The following ANKRD28 variants were observed in gnomAD, a reference collection of about 807,000 sequenced individuals.
The protein encoded by ANKRD28 is serine/threonine-protein phosphatase 6 regulatory ankyrin repeat subunit A.
ANKRD28 carries 44 observed loss-of-function variants against 126.5 expected under a neutral mutation model. The ratio of observed to expected loss-of-function variants is 0.35; its 90% confidence interval spans 0.27 to 0.45. The LOEUF (loss-of-function observed/expected upper bound fraction) is 0.45, where lower values mean the gene tolerates loss of function less well. Among genes scored for constraint, ANKRD28 ranks in the 20% least tolerant of loss-of-function variants. The pLI is 1.00. For missense variants in ANKRD28, 1,110 were observed against 1,316.6 expected (o/e 0.84, Z 2.43); for synonymous variants, 442 against 468.5 (o/e 0.94, Z 0.73).
intron 4 of ANKRD28, among the ~76,000 whole-genome samples, chr3:15,742,413 C>T (rs2057118313): frequency 6.7e-6 from 1 of 149,212 alleles, no homozygotes; most frequent in African/African-American, 2.5e-5. Flanking sequence ...GTGAGAAGCG[C>T]CTCTACCTGG....
intron 6 of ANKRD28, among the ~76,000 whole-genome samples, chr3:15,731,602 T>C (rs1239017834): frequency 6.6e-6 from 1 of 152,082 alleles, no homozygotes. Flanking sequence ...TAAACCACCA[T>C]ACACCAAGCT....
chr3:15,789,069 AC>A (rs2059909289), intron 2 of ANKRD28, among the ~76,000 whole-genome samples: 1 of 151,804 alleles, frequency 6.6e-6, no homozygotes, highest in South Asian at 2.1e-4. Flanking sequence ...ATTGCATTTC[AC>A]CCTTTTATGG....
At chr3:15,696,525 GTCTC>G (rs1006374150) in intron 14 of ANKRD28, among the ~76,000 whole-genome samples, 18 of 151,918 alleles carry the variant, frequency 1.2e-4, no homozygotes, top group Non-Finnish European at 1.6e-4. Flanking sequence ...CTTTTACACA[GTCTC>G]TATCTATACC....
intron 2 of ANKRD28, among the ~76,000 whole-genome samples, chr3:15,777,271 C>CAAAAAAA (rs148444429): frequency 2.7e-5 from 3 of 111,616 alleles, no homozygotes; most frequent in Non-Finnish European, 3.7e-5. Context: ...GACTCCGTCT[C>CAAAAAAA]AAAAAAAAAA....
At chr3:15,746,191 G>A (rs1575508234) in intron 4 of ANKRD28, among the ~76,000 whole-genome samples, 2 of 152,242 alleles carry the variant, frequency 1.3e-5, no homozygotes, top group Admixed American at 1.3e-4. Flanking sequence ...TGATTTGGAT[G>A]CCCTTTATTT....
chr3:15,770,311 T>C (rs2058935461), intron 2 of ANKRD28, among the ~76,000 whole-genome samples: 2 of 151,856 alleles, frequency 1.3e-5, no homozygotes, highest in African/African-American at 4.8e-5. Flanking sequence ...TGAAATATCA[T>C]TAGCATTTAT....
At chr3:15,824,342 G>T (rs1195459030) in intron 1 of ANKRD28, among the ~76,000 whole-genome samples, 2 of 152,146 alleles carry the variant, frequency 1.3e-5, no homozygotes, top group African/African-American at 4.8e-5. Context: ...TTTTGATAGT[G>T]ACGGCATTTC....
At chr3:15,779,826 T>C (rs1420252452) in intron 2 of ANKRD28, among the ~76,000 whole-genome samples, 1 of 152,226 alleles carries the variant, frequency 6.6e-6, no homozygotes, top group Non-Finnish European at 1.5e-5. Context: ...CTATTCTAAG[T>C]ACTGAATTTA....
At chr3:15,858,200 T>C (rs943668326) in intron 1 of ANKRD28, among the ~76,000 whole-genome samples, 5 of 152,264 alleles carry the variant, frequency 3.3e-5, no homozygotes, top group African/African-American at 4.8e-5. Context: ...AATTGCTACA[T>C]GTGGCTAGTG....
At chr3:15,768,081 C>A (rs1029716124) in intron 2 of ANKRD28, among the ~76,000 whole-genome samples, 1 of 152,036 alleles carries the variant, frequency 6.6e-6, no homozygotes, top group Non-Finnish European at 1.5e-5. Flanking sequence ...AAAAGAGCTG[C>A]CTTACTAGCT....
intron 6 of ANKRD28, among the ~76,000 whole-genome samples, chr3:15,733,628 A>G (rs1329964029): frequency 2.0e-5 from 3 of 152,168 alleles, no homozygotes; most frequent in Non-Finnish European, 4.4e-5. Flanking sequence ...TTTCTGATAC[A>G]AAGGAGAGAG....
At chr3:15,722,385 T>G (rs1575389686) in intron 7 of ANKRD28, among the ~76,000 whole-genome samples, 2 of 152,350 alleles carry the variant, frequency 1.3e-5, no homozygotes, top group South Asian at 4.1e-4. Context: ...TAATGTGTCC[T>G]GACTCCGTGA....
intron 2 of ANKRD28, among the ~76,000 whole-genome samples, chr3:15,768,334 T>C (rs2058842562): frequency 6.6e-6 from 1 of 152,184 alleles, no homozygotes; most frequent in South Asian, 2.1e-4. Context: ...AAGGATTAAA[T>C]ATCTACAGGC....
chr3:15,710,733 C>T lies in ANKRD28; in HGVS notation c.1337+478G>A, dbSNP rs568649250. ...TATGAACCAACTGCCTAATTTTTCCCTGGTGGTACTATTTAAAACTTAGTC... is the reference window on the plus strand; with the variant it reads ...TATGAACCAACTGCCTAATTTTTCCTTGGTGGTACTATTTAAAACTTAGTC... On this transcript the variant is annotated intron_variant, in intron 12 of 27. Transcript: ENST00000683139. Among the ~76,000 whole-genome samples the T allele has an allele frequency of 2.6e-5, 4 of 152,168 alleles. No individual in the cohort carries two copies. In the South Asian group the frequency reaches 8.3e-4, roughly 32 times the overall value.
At chr3:15,769,470 A>C (rs1446736291) in intron 2 of ANKRD28, among the ~76,000 whole-genome samples, 1 of 152,222 alleles carries the variant, frequency 6.6e-6, no homozygotes, top group Admixed American at 6.5e-5. Context: ...CTACATATCC[A>C]GATAAAATGA....
In ANKRD28 at chr3:15,766,300, G is replaced by A; in HGVS notation, c.214C>T (p.Arg72Ter). The A allele has an allele frequency of 1.9e-6, 3 of 1,609,970 alleles. No individual in the cohort carries two copies. The highest frequency in any genetic ancestry group is 1.7e-6 in the Non-Finnish European group (2 of 1,177,442). ...EDVNFQDNEK[R>*]TPLHAAAYLG... is the part of the protein sequence containing the mutation. ...TAAGCTGCGGCGTGCAATGGGGTTC[G>A]CTTTTCATTGTCCTGTGATAATAAG... is the stretch of plus-strand genomic sequence containing the variant. Residue 72 changes from arginine (R) to a stop codon, truncating the protein, a stop_gained, in exon 3 of 28, where the codon CGA becomes TGA. Coordinates refer to ENST00000683139, the MANE Select transcript of ANKRD28 (RefSeq NM_001349278.2). LOFTEE classifies it high-confidence loss of function.
rs180777612 is a variant in ANKRD28, at chr3:15,728,692, A to G, written c.641-4168T>C. On this transcript the variant is annotated intron_variant, in intron 6 of 27. Coordinates refer to ENST00000683139, the MANE Select transcript of ANKRD28 (RefSeq NM_001349278.2). ...TGTGGTAGTTTAGCACCAAACTCAC[A>G]ATCTCTCTGATCTCTGCCTTACTGG... 5.9e-5 allele frequency among the ~76,000 whole-genome samples: 9 copies of G among 152,324 alleles called. No individual in the cohort carries two copies. The East Asian group carries it at 9.6e-4, about 16-fold the overall frequency.
At chr3:15,825,753 T>C (rs537982687) in intron 1 of ANKRD28, among the ~76,000 whole-genome samples, 1 of 152,118 alleles carries the variant, frequency 6.6e-6, no homozygotes, top group African/African-American at 2.4e-5. Flanking sequence ...TACAGATAGA[T>C]AGATAATAGA....
chr3:15,753,244 T>C, intron 3 of ANKRD28, among the ~76,000 whole-genome samples: 1 of 152,222 alleles, frequency 6.6e-6, no homozygotes, highest in East Asian at 1.9e-4. Flanking sequence ...CCAGGCACTG[T>C]GGAACCCTAG....
Sources: gnomAD v4.1 joint callset for allele counts (sites outside exome capture counted in the v4.1 genomes callset) on GRCh38, gnomAD v4.1.1 for gene constraint, MANE v1.5 for transcripts, NCBI Gene and HGNC (gene_info 2026-07-23, HGNC 2026-07-21) for gene names.